The following ARHGEF4 variants were observed in gnomAD, a reference collection of about 807,000 sequenced individuals.
ARHGEF4 encodes Rho guanine nucleotide exchange factor 4.
A neutral mutation model predicts 162.0 loss-of-function variants in ARHGEF4; 119 were observed. The ratio of observed to expected loss-of-function variants is 0.73; its 90% confidence interval spans 0.63 to 0.86. ARHGEF4 has a LOEUF of 0.86. ARHGEF4 is among the 40% of genes least tolerant of loss of function. The probability of loss-of-function intolerance (pLI) is 0.00; values close to 1 mark genes in which losing one functional copy is unlikely to be tolerated. For missense variants in ARHGEF4, 2,488 were observed against 2,456.0 expected (o/e 1.01, Z -0.28); for synonymous variants, 1,014 against 979.9 (o/e 1.03, Z -0.65).
At chr2:130,868,115 T>C (rs991916432) in intron 1 of ARHGEF4, among the ~76,000 whole-genome samples, 2 of 151,032 alleles carry the variant, frequency 1.3e-5, no homozygotes, top group Non-Finnish European at 3.0e-5. Flanking sequence ...TTAGTAGAGA[T>C]GGGGTTTCAC....
chr2:130,994,395 G>GGTCTGCCC (rs1687244587), intron 4 of ARHGEF4, among the ~76,000 whole-genome samples: 3 of 151,934 alleles, frequency 2.0e-5, no homozygotes, highest in South Asian at 4.1e-4. Context: ...GTTTATCTTA[G>GGTCTGCCC]AAATTAAATC....
At position 131,004,028 on chromosome 2, in the gene ARHGEF4, A is replaced by G. The variant is rs182514194; in HGVS notation, c.3986-23917A>G. Among the ~76,000 whole-genome samples the G allele has an allele frequency of 6.6e-5, 10 of 152,270 alleles. No individual in the cohort carries two copies. In the East Asian group the frequency reaches 1.9e-3, roughly 29 times the overall value. ...GGATAGGAGGATCTTCACTCCCTAC[A>G]TAGAGCCCCTGCACACCCTGGGGAC... On this transcript the variant is annotated intron_variant, in intron 4 of 13. Transcript: ENST00000409359.
intron 1 of ARHGEF4, among the ~76,000 whole-genome samples, chr2:130,901,273 C>G (rs1180287219): frequency 6.6e-6 from 1 of 152,170 alleles, no homozygotes; most frequent in Non-Finnish European, 1.5e-5. Context: ...TAGCCTGAGC[C>G]TGGCAGGTGG....
Position 130,966,345 on chromosome 2 carries a change from G to A in ARHGEF4, c.3985+19710G>A, listed in dbSNP as rs567514110. Among the ~76,000 whole-genome samples, 3 of 152,260 alleles carry A rather than the reference G, an allele frequency of 2.0e-5. No homozygotes were observed. In the East Asian group the frequency reaches 5.8e-4, roughly 29 times the overall value. Reference sequence around the variant, plus strand: ...AGACTCGCCTCTCTTCTTCTACAACGGAACTAGCTATTTCCTGTCCCTGGG... The same window carrying A: ...AGACTCGCCTCTCTTCTTCTACAACAGAACTAGCTATTTCCTGTCCCTGGG... On this transcript the variant is annotated intron_variant, in intron 4 of 13. Transcript: ENST00000409359.
intron 4 of ARHGEF4, chr2:131,011,696 T>G (rs1688461025): frequency 6.7e-7 from 1 of 1,498,456 alleles, no homozygotes; most frequent in East Asian, 2.5e-5. Context: ...AGAGAGGAAA[T>G]GAGGCCAGAT....
Position 131,029,814 on chromosome 2 carries a change from A to T in ARHGEF4, c.4125+1730A>T, listed in dbSNP as rs532086702. Reference sequence around the variant, plus strand: ...GGTGATCTGCCCGCCTCAGCCTCCCAAAGTGCTGGGATTACAAGCGTAAGC... The same window carrying T: ...GGTGATCTGCCCGCCTCAGCCTCCCTAAGTGCTGGGATTACAAGCGTAAGC... On this transcript the variant is annotated intron_variant, in intron 5 of 13. Coordinates refer to ENST00000409359, the MANE Select transcript of ARHGEF4 (RefSeq NM_001367493.1). Among the ~76,000 whole-genome samples the T allele has an allele frequency of 1.2e-4, 19 of 152,302 alleles. 1 individual carries two copies. The South Asian group carries it at 3.7e-3, about 30-fold the overall frequency.
chr2:131,006,054 C>T (rs1219759477), intron 4 of ARHGEF4, among the ~76,000 whole-genome samples: 1 of 152,148 alleles, frequency 6.6e-6, no homozygotes, highest in Non-Finnish European at 1.5e-5. Context: ...AGAAGGAACT[C>T]AACCCACCAT....
At chr2:130,842,563 T>C (rs1680680603) in intron 1 of ARHGEF4, among the ~76,000 whole-genome samples, 1 of 152,174 alleles carries the variant, frequency 6.6e-6, no homozygotes, top group Non-Finnish European at 1.5e-5. Context: ...TGCCTTTCAT[T>C]TGGATTTTGT....
At position 130,899,634 on chromosome 2, in the gene ARHGEF4, G is replaced by A. The variant is rs537065213; in HGVS notation, c.40-14352G>A. ...TAAGCAGGTGAGAGGGAGCCTTTGGGAAGCTCATCTGATGGTGCTCTGGGG... is the reference window on the plus strand; with the variant it reads ...TAAGCAGGTGAGAGGGAGCCTTTGGAAAGCTCATCTGATGGTGCTCTGGGG... On this transcript the variant is annotated intron_variant, in intron 1 of 13. Coordinates refer to ENST00000409359, the MANE Select transcript of ARHGEF4 (RefSeq NM_001367493.1). 2.6e-5 allele frequency among the ~76,000 whole-genome samples: 4 copies of A among 152,320 alleles called. No homozygotes were observed. In the South Asian group the frequency reaches 6.2e-4, roughly 24 times the overall value.
intron 4 of ARHGEF4, among the ~76,000 whole-genome samples, chr2:130,978,728 T>C (rs1685916296): frequency 6.6e-6 from 1 of 151,434 alleles, no homozygotes; most frequent in Non-Finnish European, 1.5e-5. Flanking sequence ...ACTTAAAGTA[T>C]ATTTCAAGGC....
intron 1 of ARHGEF4, among the ~76,000 whole-genome samples, chr2:130,872,522 G>A (rs548280054): frequency 3.9e-5 from 6 of 152,130 alleles, no homozygotes; most frequent in African/African-American, 1.2e-4. Flanking sequence ...GCACCTCCTC[G>A]TTTGAGCTGA....
Position 130,915,306 on chromosome 2 carries a change from G to C in ARHGEF4, c.1360G>C (p.Val454Leu). The C allele has an allele frequency of 6.4e-7, 1 of 1,550,660 alleles. No homozygotes were observed. The highest frequency in any genetic ancestry group is 8.7e-7 in the Non-Finnish European group (1 of 1,147,032). The change falls in exon 2 of 14, where the codon GTG (valine) becomes CTG (leucine). Residue 454 changes from valine (V) to leucine (L), a missense_variant. Physicochemically the swap from Val to Leu is conservative, Grantham distance 32. Transcript: ENST00000409359. ...SELVKLSAEE[V>L]PEPAECKSEQ... ...GTTAGTGAAGCTCAGTGCAGAGGAA[G>C]TGCCTGAGCCCGCTGAGTGCAAGTC...
intron 3 of ARHGEF4, among the ~76,000 whole-genome samples, chr2:130,936,254 C>T (rs373078772): frequency 2.2e-4 from 34 of 152,206 alleles, no homozygotes; most frequent in East Asian, 1.7e-3. Context: ...ACCTTATGTC[C>T]GTTTATTATT....
intron 4 of ARHGEF4, among the ~76,000 whole-genome samples, chr2:130,970,461 C>T (rs1685282106): frequency 6.6e-6 from 1 of 151,952 alleles, no homozygotes; most frequent in Non-Finnish European, 1.5e-5. Context: ...TGGTGGTGCA[C>T]ACCTGTAATC....
At chr2:130,842,777 C>T (rs1680694598) in intron 1 of ARHGEF4, among the ~76,000 whole-genome samples, 1 of 152,210 alleles carries the variant, frequency 6.6e-6, no homozygotes, top group Non-Finnish European at 1.5e-5. Context: ...CTCTTACCCG[C>T]AGGGATCCTG....
chr2:130,960,744 C>T (rs1404083120), intron 4 of ARHGEF4, among the ~76,000 whole-genome samples: 1 of 152,096 alleles, frequency 6.6e-6, no homozygotes, highest in Non-Finnish European at 1.5e-5. Flanking sequence ...AGTCTCCCTG[C>T]ACCAGTCTTT....
At chr2:131,002,164 G>T (rs1687811451) in intron 4 of ARHGEF4, among the ~76,000 whole-genome samples, 1 of 152,190 alleles carries the variant, frequency 6.6e-6, no homozygotes, top group Non-Finnish European at 1.5e-5. Context: ...GCAATGCCCT[G>T]TCTTCATGGA....
chr2:131,036,649 A>C (rs1690308455), intron 5 of ARHGEF4, among the ~76,000 whole-genome samples: 1 of 152,194 alleles, frequency 6.6e-6, no homozygotes, highest in Non-Finnish European at 1.5e-5. Flanking sequence ...TGGGGGCACC[A>C]GGCTTCTGCT....
At chr2:130,982,564 C>G (rs535380263) in intron 4 of ARHGEF4, among the ~76,000 whole-genome samples, 2 of 150,816 alleles carry the variant, frequency 1.3e-5, no homozygotes, top group East Asian at 3.9e-4. Context: ...TTCGCCTCCT[C>G]CTCCTCCCCC....
Sources: allele counts gnomAD v4.1 joint callset (sites outside exome capture counted in the v4.1 genomes callset), GRCh38; gene constraint gnomAD v4.1.1; transcripts MANE v1.5; gene names NCBI Gene and HGNC (gene_info 2026-07-23, HGNC 2026-07-21).